The following PTPRD variants were observed in gnomAD, a reference collection of about 807,000 sequenced individuals.
PTPRD encodes the protein protein tyrosine phosphatase receptor type D.
In PTPRD, 34 loss-of-function variants were observed where a neutral mutation model predicts 214.5. That is an observed-to-expected ratio of 0.16 (90% confidence interval 0.12 to 0.21). PTPRD has a LOEUF of 0.21. Among genes scored for constraint, PTPRD ranks in the 10% least tolerant of loss-of-function variants. The probability of loss-of-function intolerance (pLI) is 1.00; values close to 1 mark genes in which losing one functional copy is unlikely to be tolerated. For missense variants in PTPRD, 2,545 were observed against 2,398.7 expected (o/e 1.06, Z -1.27); for synonymous variants, 1,128 against 845.7 (o/e 1.33, Z -5.79).
intron 3 of PTPRD, among the ~76,000 whole-genome samples, chr9:10,206,763 G>A (rs1367431386): frequency 6.6e-6 from 1 of 152,112 alleles, no homozygotes; most frequent in Admixed American, 6.5e-5. Context: ...GATCATAGCA[G>A]AAAGTTAAAG....
chr9:8,478,529 T>C (rs530346460), intron 30 of PTPRD, among the ~76,000 whole-genome samples: 1 of 152,214 alleles, frequency 6.6e-6, no homozygotes, highest in Non-Finnish European at 1.5e-5. Flanking sequence ...ATCTGTGTTG[T>C]GCATTTTTTA....
rs974294250 is a variant in PTPRD, at chr9:10,541,767, T to C, written c.-600+70631A>G. On this transcript the variant is annotated intron_variant, in intron 2 of 45. Transcript: ENST00000381196. ...AATTTAACTTCTATAAAAGGTAATA[T>C]AAAGATACATTTATAATATGTAGCC... is the stretch of plus-strand genomic sequence containing the variant. Among the ~76,000 whole-genome samples the C allele has an allele frequency of 9.2e-5, 14 of 152,134 alleles. No homozygotes were observed. In the East Asian group the frequency reaches 2.7e-3, roughly 29 times the overall value.
intron 13 of PTPRD, among the ~76,000 whole-genome samples, chr9:8,635,066 T>C (rs928964582): frequency 2.0e-5 from 3 of 147,560 alleles, no homozygotes; most frequent in Non-Finnish European, 4.5e-5. Context: ...TTTAATAATA[T>C]ATATTAAATA....
rs757265834 is a variant in PTPRD, at chr9:8,499,758, G to T, written c.2211C>A (p.Pro737=). 23 of 1,613,904 alleles carry T rather than the reference G, an allele frequency of 1.4e-5. No homozygotes were observed. The highest frequency in any genetic ancestry group is 1.9e-5 in the Non-Finnish European group (22 of 1,179,974). The change falls in exon 25 of 46, where the codon CCC becomes CCA. Residue 737 remains proline, a synonymous_variant. Coordinates refer to ENST00000381196, the MANE Select transcript of PTPRD (RefSeq NM_002839.4). The part of the protein sequence containing the change: ...SVKVSWRSPV[P]NKQHGQIRGY... Reference sequence around the variant, plus strand: ...CTCTTATCTGGCCATGCTGTTTATTGGGCACGGGTGAGCGCCATGAGACTT... The same window carrying T: ...CTCTTATCTGGCCATGCTGTTTATTTGGCACGGGTGAGCGCCATGAGACTT...
chr9:9,373,983 G>A (rs2060171251), intron 9 of PTPRD, among the ~76,000 whole-genome samples: 1 of 151,652 alleles, frequency 6.6e-6, no homozygotes, highest in African/African-American at 2.4e-5. Context: ...GCTTACGGTA[G>A]CTTTCATAAT....
Position 8,958,556 on chromosome 9 carries a change from C to T in PTPRD, c.-104+60141G>A, listed in dbSNP as rs148439777. Among the ~76,000 whole-genome samples the T allele has an allele frequency of 1.3e-3, 192 of 151,996 alleles. 3 individuals are homozygous for T. Among genetic ancestry groups the T allele is most frequent in the African/African-American group, 4.4e-3 (181 of 41,508 alleles). On this transcript the variant is annotated intron_variant, in intron 11 of 45. Coordinates refer to ENST00000381196, the MANE Select transcript of PTPRD (RefSeq NM_002839.4). ...GTCATGATAAACCCATTATCTACAT[C>T]AATGATTGACTCAGAAACCAAGGAC... is the stretch of plus-strand genomic sequence containing the variant.
At position 10,453,645 on chromosome 9, in the gene PTPRD, T is replaced by C. The variant is rs562198935; in HGVS notation, c.-599-112628A>G. Among the ~76,000 whole-genome samples, 16 of 151,840 alleles carry C rather than the reference T, an allele frequency of 1.1e-4. 2 individuals carry two copies. The highest frequency in any genetic ancestry group is 3.6e-4 in the African/African-American group (15 of 41,542). On this transcript the variant is annotated intron_variant, in intron 2 of 45. Transcript: ENST00000381196. Reference sequence around the variant, plus strand: ...AAATGCTACCACTTGTGTATGTTGATTTAGAATCCTGCAACTTTACTGAAT... The same window carrying C: ...AAATGCTACCACTTGTGTATGTTGACTTAGAATCCTGCAACTTTACTGAAT...
At position 9,362,923 on chromosome 9, in the gene PTPRD, G is replaced by A. The variant is rs139067110; in HGVS notation, c.-203+34526C>T. Among the ~76,000 whole-genome samples, 123 of 151,322 alleles carry A rather than the reference G, an allele frequency of 8.1e-4. 2 individuals are homozygous for A. The East Asian group carries it at 0.023, about 29-fold the overall frequency. ...ACCTTTCTTATTGGTGTAAAGAGTG[G>A]TCAGTGGTGGAACGTAGATTCTTGT... On this transcript the variant is annotated intron_variant, in intron 9 of 45. Transcript: ENST00000381196.
At chr9:9,789,465 C>A (rs2098950710) in intron 5 of PTPRD, among the ~76,000 whole-genome samples, 1 of 152,138 alleles carries the variant, frequency 6.6e-6, no homozygotes. Context: ...AGACACTCTA[C>A]TGAGGGGGAG....
intron 4 of PTPRD, among the ~76,000 whole-genome samples, chr9:9,976,827 G>A (rs1478254447): frequency 6.6e-6 from 1 of 151,262 alleles, no homozygotes; most frequent in Non-Finnish European, 1.5e-5. Context: ...CTCCTGAGTT[G>A]TCTGTAGGAG....
intron 14 of PTPRD, among the ~76,000 whole-genome samples, chr9:8,553,915 G>A (rs551033583): frequency 6.6e-5 from 10 of 152,158 alleles, no homozygotes; most frequent in African/African-American, 1.9e-4. Flanking sequence ...TTAGCCGGGC[G>A]CGGTGGCTCA....
At chr9:8,606,038 C>T (rs2095190573) in intron 14 of PTPRD, among the ~76,000 whole-genome samples, 1 of 151,978 alleles carries the variant, frequency 6.6e-6, no homozygotes. Context: ...TAAAAGGATC[C>T]TTATTTCATT....
intron 4 of PTPRD, among the ~76,000 whole-genome samples, chr9:9,964,362 T>C (rs1177273416): frequency 6.6e-6 from 1 of 152,214 alleles, no homozygotes; most frequent in Non-Finnish European, 1.5e-5. Flanking sequence ...GGTCATGGTG[T>C]AAATATGTTG....
intron 3 of PTPRD, among the ~76,000 whole-genome samples, chr9:10,278,229 A>T (rs903067575): frequency 6.6e-6 from 1 of 152,168 alleles, no homozygotes; most frequent in Non-Finnish European, 1.5e-5. Flanking sequence ...GAAAGTTATT[A>T]AAAAATAATG....
At chr9:9,732,051 A>G (rs548205267) in intron 7 of PTPRD, among the ~76,000 whole-genome samples, 1 of 152,242 alleles carries the variant, frequency 6.6e-6, no homozygotes, top group African/African-American at 2.4e-5. Flanking sequence ...AAACTACAAT[A>G]TTGAAAACAA....
intron 10 of PTPRD, among the ~76,000 whole-genome samples, chr9:9,074,062 T>C (rs1462726922): frequency 6.6e-6 from 1 of 152,062 alleles, no homozygotes. Context: ...ATAGAAGCTG[T>C]TTTGTTATCC....
chr9:9,012,717 A>T (rs2099516747), intron 11 of PTPRD, among the ~76,000 whole-genome samples: 1 of 152,170 alleles, frequency 6.6e-6, no homozygotes, highest in African/African-American at 2.4e-5. Context: ...TTGATGCCAT[A>T]TGTATGTATT....
chr9:8,836,587 CTTTTTTTTTTTTTT>C (rs34572407), intron 11 of PTPRD, among the ~76,000 whole-genome samples: 5 of 66,800 alleles, frequency 7.5e-5, no homozygotes, highest in South Asian at 6.6e-4. Flanking sequence ...TAATAAAAAC[CTTTTTTTTTTTTTT>C]TTTTTTTTTT....
At chr9:9,495,438 C>G (rs184490813) in intron 8 of PTPRD, among the ~76,000 whole-genome samples, 2 of 152,108 alleles carry the variant, frequency 1.3e-5, no homozygotes, top group East Asian at 1.9e-4. Flanking sequence ...TGAATAATGC[C>G]TTTTTACCAA....
Sources: allele counts gnomAD v4.1 joint callset (sites outside exome capture counted in the v4.1 genomes callset), GRCh38; gene constraint gnomAD v4.1.1; transcripts MANE v1.5; gene names NCBI Gene and HGNC (gene_info 2026-07-23, HGNC 2026-07-21).